Variants in RNF213 observed in about 807,000 individuals in gnomAD.
RNF213 encodes ring finger protein 213, also known as E3 ubiquitin-protein ligase RNF213.
RNF213 carries 341 observed loss-of-function variants against 514.4 expected under a neutral mutation model. That is an observed-to-expected ratio of 0.66 (90% CI 0.61 to 0.73). The LOEUF (loss-of-function observed/expected upper bound fraction) is 0.73. RNF213 is among the 30% of genes least tolerant of loss of function. The probability of loss-of-function intolerance (pLI) is 0.00; values close to 1 mark genes in which losing one functional copy is unlikely to be tolerated. For synonymous variants in RNF213, 2,655 were observed against 2,658.2 expected (o/e 1.00, Z 0.04); for missense variants, 5,767 against 6,615.6 (o/e 0.87, Z 4.45).
Position 80,373,108 on chromosome 17 carries a change from C to T in RNF213, c.12885C>T (p.Leu4295=). ...GGGGGATGGAGTTCGTGCAGGGCCT[C>T]TCCAAGCCCGGCCGCCCGCACCAGT... ...SQRGMEFVQG[L]SKPGRPHQWV... The change falls in exon 49 of 68, where the codon CTC becomes CTT. Residue 4295 remains leucine, a synonymous_variant. Coordinates refer to ENST00000582970, the MANE Select transcript of RNF213 (RefSeq NM_001256071.3). 6.2e-7 allele frequency: 1 copy of T among 1,613,668 alleles called. No individual in the cohort carries two copies. Among genetic ancestry groups the T allele is most frequent in the Non-Finnish European group, 8.5e-7 (1 of 1,180,004 alleles).
At chr17:80,319,052 G>C in intron 16 of RNF213, 138 bp from the exon 17 acceptor site, 1 of 1,584,726 alleles carries the variant, frequency 6.3e-7, no homozygotes, top group Non-Finnish European at 8.6e-7. Context: ...CATGCTTTGC[G>C]TGGGCCAGGA....
At chr17:80,296,209 G>T (rs1163115386) in intron 10 of RNF213, among the ~76,000 whole-genome samples, 1 of 152,146 alleles carries the variant, frequency 6.6e-6, no homozygotes, top group Non-Finnish European at 1.5e-5. Flanking sequence ...TAGTAGAGAA[G>T]GGTTTTCACC....
chr17:80,383,986 C>G, intron 59 of RNF213, 58 bp downstream of exon 59: 1 of 1,603,652 alleles, frequency 6.2e-7, no homozygotes, highest in Non-Finnish European at 8.5e-7. Context: ...CCCAGCAGGC[C>G]TGAAGGCCCT....
rs1056208936 is a variant in RNF213 at position 80,339,252 on chromosome 17, G to A, written c.4885G>A (p.Ala1629Thr). The A allele has an allele frequency of 5.1e-5, 78 of 1,521,702 alleles. No individual in the cohort carries two copies. The highest frequency in any genetic ancestry group is 6.2e-5 in the Non-Finnish European group (70 of 1,137,254). 94.3% of individuals were successfully genotyped at this position (1,521,702 alleles called of 1,614,324 possible). A position where few individuals can be genotyped will look rare whatever the true frequency, so the allele number is the denominator to read the frequency against. ...CCAGGCCTTCATCGACCTGCACTCT[G>A]CTGGGAATATGCTGTTCAGGACGTG... ...LSQAFIDLHS[A>T]GNMLFRTWIA... Residue 1629 changes from alanine to threonine, a missense_variant, in exon 26 of 68, where the codon GCT becomes ACT. Physicochemically the swap from Ala to Thr is moderately conservative, Grantham distance 58. Transcript: ENST00000582970.
chr17:80,370,681 C>T (rs2079482980), intron 46 of RNF213, among the ~76,000 whole-genome samples: 1 of 152,214 alleles, frequency 6.6e-6, no homozygotes, highest in Admixed American at 6.5e-5. Flanking sequence ...TCCCACTACA[C>T]ACCGGAGTAG....
chr17:80,379,222 T>C (rs1488823105), intron 54 of RNF213, among the ~76,000 whole-genome samples: 1 of 152,098 alleles, frequency 6.6e-6, no homozygotes, highest in African/African-American at 2.4e-5. Flanking sequence ...AAAGTCCAAA[T>C]GAATATAAGG....
intron 23 of RNF213, chr17:80,336,582 CAT>C (rs1374009540): frequency 1.5e-6 from 1 of 656,248 alleles, no homozygotes; most frequent in Non-Finnish European, 2.8e-6. Context: ...TTACATGACA[CAT>C]AGTAATCTCT....
chr17:80,380,811 T>C lies in RNF213; in HGVS notation c.13641-20T>C, dbSNP rs771017849. ...GCGGCCAGCCTCAGCCTCTGTCTTG[T>C]GTTCTCTCGTTCTTTCCAGAGACAA... On this transcript the variant is annotated intron_variant, in intron 55 of 67. Coordinates refer to ENST00000582970, the MANE Select transcript of RNF213 (RefSeq NM_001256071.3). 8.1e-6 allele frequency: 13 copies of C among 1,614,118 alleles called. No homozygotes were observed. The South Asian group carries it at 1.2e-4, about 15-fold the overall frequency.
intron 67 of RNF213, among the ~76,000 whole-genome samples, chr17:80,392,950 T>C (rs959666715): frequency 1.1e-4 from 16 of 151,502 alleles, no homozygotes; most frequent in African/African-American, 3.9e-4. Context: ...AAAAGTAACA[T>C]GAGGGGACTG....
chr17:80,328,239 G>T, intron 19 of RNF213, 89 bp from the exon 20 acceptor site: 1 of 1,404,334 alleles, frequency 7.1e-7, no homozygotes, highest in South Asian at 1.4e-5. Context: ...TCCTGGTGGC[G>T]GGGAAGGTGC....
At chr17:80,365,558 A>G (rs767653665) in intron 42 of RNF213, among the ~76,000 whole-genome samples, 13 of 151,538 alleles carry the variant, frequency 8.6e-5, no homozygotes, top group Non-Finnish European at 1.8e-4. Flanking sequence ...CCAATCCCGG[A>G]CACGCACACG....
At position 80,339,838 on chromosome 17, in the gene RNF213, G is replaced by A; in HGVS notation, c.5471G>A (p.Gly1824Asp). ...GSPVERCLPR[G>D]LQVGQPNLVV... The stretch of plus-strand genomic sequence containing the variant: ...CCCGTGGAGCGTTGTCTCCCGAGAG[G>A]TCTGCAGGTCGGCCAGCCCAACCTC... Residue 1824 changes from glycine (G) to aspartate (D), a missense_variant, in exon 26 of 68, where the codon GGT becomes GAT. Physicochemically the swap from Gly to Asp is moderately conservative, Grantham distance 94. This residue lies in a region of RNF213 where 1,377 missense variants were observed against 1,635.2 expected (regional missense o/e 0.84). Coordinates refer to ENST00000582970, the MANE Select transcript of RNF213 (RefSeq NM_001256071.3). 6.5e-7 allele frequency: 1 copy of A among 1,536,142 alleles called. No individual in the cohort carries two copies. The highest frequency in any genetic ancestry group is 1.2e-5 in the South Asian group (1 of 84,018).
chr17:80,344,022 A>G lies in RNF213; in HGVS notation c.6342+7A>G. 2 of 1,611,098 alleles carry G rather than the reference A, an allele frequency of 1.2e-6. No individual in the cohort carries two copies. Among genetic ancestry groups the G allele is most frequent in the Non-Finnish European group, 1.7e-6 (2 of 1,178,134 alleles). On this transcript the variant is annotated splice_region_variant and intron_variant, in intron 28 of 67. Transcript: ENST00000582970. Reference sequence around the variant, plus strand: ...GAGGAGCTCTTCAGCGCTGGTCTGTACTGTGGGGCGTTTTCGCCTGGCGTG... The same window carrying G: ...GAGGAGCTCTTCAGCGCTGGTCTGTGCTGTGGGGCGTTTTCGCCTGGCGTG...
intron 14 of RNF213, among the ~76,000 whole-genome samples, chr17:80,310,063 C>T (rs2045513816): frequency 6.6e-6 from 1 of 151,590 alleles, no homozygotes; most frequent in Admixed American, 6.6e-5. Flanking sequence ...TCCCATGGAT[C>T]AGTTTTACCT....
intron 50 of RNF213, 61 bp downstream of exon 50, chr17:80,374,650 C>T: frequency 6.3e-7 from 1 of 1,589,028 alleles, no homozygotes; most frequent in Non-Finnish European, 8.6e-7. Flanking sequence ...CCTGCATGTT[C>T]CCTGGTTTAT....
At position 80,377,178 on chromosome 17, in the gene RNF213, G is replaced by A. The variant is rs954023576; in HGVS notation, c.13510+215G>A. On this transcript the variant is annotated intron_variant, in intron 53 of 67. Transcript: ENST00000582970. This position sits in a 1 kb window ranked among gnomAD's most constrained non-coding sequence, Gnocchi z 4.1. ...ATCCAAACCATTTCATTTCTTTGTC[G>A]TGTGGAAAAGGCCCTCTGTGATGCA... 25 of 579,628 alleles carry A rather than the reference G, an allele frequency of 4.3e-5. No individual in the cohort carries two copies. The highest frequency in any genetic ancestry group is 8.4e-5 in the Admixed American group (3 of 35,928). 35.9% of individuals were successfully genotyped at this position (579,628 alleles called of 1,614,324 possible). A position where few individuals can be genotyped will look rare whatever the true frequency, so the allele number is the denominator to read the frequency against.
chr17:80,293,703 T>C (rs1318456300), intron 8 of RNF213, among the ~76,000 whole-genome samples: 1 of 151,990 alleles, frequency 6.6e-6, no homozygotes, highest in African/African-American at 2.4e-5. Context: ...AGCGGGCGCC[T>C]GTAGTCCCAG....
At chr17:80,354,194 C>T in intron 35 of RNF213, 28 bp downstream of exon 35, 1 of 1,610,814 alleles carries the variant, frequency 6.2e-7, no homozygotes, top group Non-Finnish European at 8.5e-7. Context: ...CCTCTTGCCC[C>T]TGCCCCCACG....
Position 80,354,009 on chromosome 17 carries a change from C to T in RNF213, c.10579-10C>T. On this transcript the variant is annotated splice_polypyrimidine_tract_variant and intron_variant, in intron 34 of 67. Transcript: ENST00000582970. Reference sequence around the variant, plus strand: ...GCAGAAACGGATGACCCAACCGTCTCCACCAACAGGTGTCGATCCTGGACA... The same window carrying T: ...GCAGAAACGGATGACCCAACCGTCTTCACCAACAGGTGTCGATCCTGGACA... 1.2e-6 allele frequency: 2 copies of T among 1,613,690 alleles called. No homozygotes were observed. The highest frequency in any genetic ancestry group is 2.2e-5 in the South Asian group (2 of 91,070).
Sources: allele counts gnomAD v4.1 joint callset (sites outside exome capture counted in the v4.1 genomes callset), GRCh38; gene constraint gnomAD v4.1.1; regional missense constraint gnomAD v4.1.1; non-coding constraint Gnocchi (gnomAD v3.1); transcripts MANE v1.5; gene names NCBI Gene and HGNC (gene_info 2026-07-23, HGNC 2026-07-21).